The following SRPX2 variants were observed in gnomAD, a reference collection of about 807,000 sequenced individuals.
SRPX2 encodes sushi repeat-containing protein SRPX2.
Under a neutral mutation model 45.3 loss-of-function variants are expected in SRPX2, and 26 were observed. That is an observed-to-expected ratio of 0.57 (90% CI 0.42 to 0.80). SRPX2 has a LOEUF of 0.80. Among genes scored for constraint, SRPX2 ranks in the 30% least tolerant of loss-of-function variants. The pLI, the probability that SRPX2 is intolerant of heterozygous loss-of-function variation, is 0.00. For synonymous variants in SRPX2, 125 were observed against 143.7 expected (o/e 0.87, Z 0.93); for missense variants, 355 against 399.8 (o/e 0.89, Z 0.95).
rs1212053635 is a variant in SRPX2 at position 100,675,591 on chromosome X, C to T, written c.*4604C>T. 1 of 113,805 alleles carries T rather than the reference C, an allele frequency of 8.8e-6. No individual in the cohort carries two copies. The highest frequency in any genetic ancestry group is 9.4e-5 in the Admixed American group (1 of 10,621). 9.4% of individuals were successfully genotyped at this position (113,805 alleles called of 1,213,427 possible). A position where few individuals can be genotyped will look rare whatever the true frequency, so the allele number is the denominator to read the frequency against. On this transcript the variant is annotated 3_prime_UTR_variant, in exon 11 of 11. Coordinates refer to ENST00000373004, the MANE Select transcript of SRPX2 (RefSeq NM_014467.3). ...TCCCCAACATTCCTGTCTTTACTAACCAACCCTGCTTCCCAGAGCCTTAAA... is the reference window on the plus strand; with the variant it reads ...TCCCCAACATTCCTGTCTTTACTAATCAACCCTGCTTCCCAGAGCCTTAAA...
chrX:100,662,484 A>G (rs1476499483), intron 4 of SRPX2, 117 bp downstream of exon 4: 8 of 859,428 alleles, frequency 9.3e-6, no homozygotes, highest in Admixed American at 2.4e-5. Context: ...GTACAAATTG[A>G]GAATATTCCA....
rs2083202209 is a variant in SRPX2 at position 100,665,601 on chromosome X, C to G, written c.725C>G (p.Thr242Ser). Residue 242 changes from threonine to serine, a missense_variant, in exon 7 of 11, where the codon ACT becomes AGT. Transcript: ENST00000373004. ...GAAGGAGAGCATGTGATTCGTTACACTGCCTATGACCGAGCCTACAACCGG... is the reference window on the plus strand; with the variant it reads ...GAAGGAGAGCATGTGATTCGTTACAGTGCCTATGACCGAGCCTACAACCGG... ...FPEGEHVIRY[T>S]AYDRAYNRAS... 10 of 1,212,076 alleles carry G rather than the reference C, an allele frequency of 8.3e-6. No homozygotes were observed. Among genetic ancestry groups the G allele is most frequent in the Non-Finnish European group, 1.1e-5 (10 of 895,571 alleles).
At chrX:100,652,508 C>T (rs2083156712) in intron 3 of SRPX2, among the ~76,000 whole-genome samples, 1 of 110,803 alleles carries the variant, frequency 9.0e-6, no homozygotes, top group Admixed American at 9.6e-5. Context: ...CATCTGTAGA[C>T]ATGAGTAGGA....
At position 100,672,886 on chromosome X, in the gene SRPX2, G is replaced by C. The variant is rs757480017; in HGVS notation, c.*1899G>C. ...GAGTCAGAGAGAATCTCCTTCCACT[G>C]GGATTTTAGTGGAAATCTCATTTTT... On this transcript the variant is annotated 3_prime_UTR_variant, in exon 11 of 11. Transcript: ENST00000373004. The C allele has an allele frequency of 1.8e-5, 2 of 111,858 alleles. No homozygotes were observed. Among genetic ancestry groups the C allele is most frequent in the Non-Finnish European group, 3.8e-5 (2 of 53,197 alleles). The allele number at this position is 111,858 out of a possible 1,213,427, so 9.2% of individuals were successfully genotyped here.
At position 100,666,869 on chromosome X, in the gene SRPX2, G is replaced by A; in HGVS notation, c.897G>A (p.Gln299=). Residue 299 remains glutamine, a synonymous_variant, in exon 8 of 11, where the codon CAG becomes CAA. Transcript: ENST00000373004. The part of the protein sequence containing the change: ...EYHCDGGYDR[Q]GTPSRVCQSS... ...ACTGTGATGGCGGTTATGATCGCCA[G>A]GGGACACCCTCCCGGGTCTGTCAGT... The A allele has an allele frequency of 8.3e-7, 1 of 1,211,798 alleles. No individual in the cohort carries two copies. Among genetic ancestry groups the A allele is most frequent in the Non-Finnish European group, 1.1e-6 (1 of 895,574 alleles).
intron 9 of SRPX2, among the ~76,000 whole-genome samples, chrX:100,667,979 C>T (rs988947600): frequency 1.2e-4 from 13 of 111,647 alleles, no homozygotes; most frequent in Non-Finnish European, 2.3e-4. Context: ...AGAATCTGTC[C>T]TCTTAGCCAC....
intron 3 of SRPX2, among the ~76,000 whole-genome samples, chrX:100,657,016 C>G (rs2083171313): frequency 1.8e-5 from 2 of 110,478 alleles, no homozygotes; most frequent in African/African-American, 6.6e-5. Context: ...CAACCTCTGC[C>G]TCCTGGGTTC....
chrX:100,655,087 T>C (rs1196956979), intron 3 of SRPX2, among the ~76,000 whole-genome samples: 2 of 112,340 alleles, frequency 1.8e-5, no homozygotes, highest in African/African-American at 3.2e-5. Flanking sequence ...GCGGAGACAA[T>C]GGGCCTGAGT....
chrX:100,664,104 A>G (rs1037171986), intron 4 of SRPX2, among the ~76,000 whole-genome samples: 2 of 111,609 alleles, frequency 1.8e-5, no homozygotes, highest in African/African-American at 6.5e-5. Flanking sequence ...CAACAATCCT[A>G]TGAGGTATCC....
chrX:100,650,875 C>A lies in SRPX2; in HGVS notation c.163+10C>A. ...GCCCTGGACTACCGAGGTAATCTAC[C>A]CTGCTTCTCAAGCCCAGAAAATCTC... On this transcript the variant is annotated intron_variant, in intron 3 of 10. Coordinates refer to ENST00000373004, the MANE Select transcript of SRPX2 (RefSeq NM_014467.3). The A allele has an allele frequency of 8.4e-7, 1 of 1,196,133 alleles. No homozygotes were observed. Among genetic ancestry groups the A allele is most frequent in the South Asian group, 1.8e-5 (1 of 56,418 alleles).
intron 9 of SRPX2, among the ~76,000 whole-genome samples, chrX:100,668,545 C>T (rs577722903): frequency 1.8e-5 from 2 of 110,545 alleles, no homozygotes; most frequent in South Asian, 3.9e-4. Context: ...AGGTGGGGTG[C>T]CGGGGAGTAT....
At chrX:100,645,680 A>G (rs983279104) in intron 1 of SRPX2, among the ~76,000 whole-genome samples, 2 of 112,300 alleles carry the variant, frequency 1.8e-5, no homozygotes, top group African/African-American at 6.5e-5. Flanking sequence ...GACAATAATC[A>G]ATTCATGAGG....
intron 3 of SRPX2, among the ~76,000 whole-genome samples, chrX:100,657,974 G>GT (rs1321657041): frequency 8.0e-5 from 9 of 112,446 alleles, no homozygotes; most frequent in African/African-American, 2.6e-4. Context: ...CTACTGTTGA[G>GT]TTGTTCGAGT....
At chrX:100,651,067 A>G in intron 3 of SRPX2, 2 of 424,377 alleles carry the variant, frequency 4.7e-6, no homozygotes, top group Non-Finnish European at 8.2e-6. Context: ...TTCTCCATGT[A>G]TTATTAATCA....
Position 100,665,522 on chromosome X carries a change from C to A in SRPX2, c.660-14C>A. The stretch of plus-strand genomic sequence containing the variant: ...TCTCTTTCCTCAGTGTTTATTTCAC[C>A]CTGTCCCATGCAGGGTGACACTTCG... On this transcript the variant is annotated splice_polypyrimidine_tract_variant and intron_variant, in intron 6 of 10. Transcript: ENST00000373004. The A allele has an allele frequency of 8.3e-7, 1 of 1,211,735 alleles. No individual in the cohort carries two copies. The highest frequency in any genetic ancestry group is 1.1e-6 in the Non-Finnish European group (1 of 895,481).
chrX:100,659,047 T>TCAC (rs2147645508), intron 3 of SRPX2, among the ~76,000 whole-genome samples: 1 of 111,919 alleles, frequency 8.9e-6, no homozygotes, highest in African/African-American at 3.2e-5. Flanking sequence ...TTCCACATAG[T>TCAC]GTATCCACCA....
At chrX:100,657,594 G>A (rs1220112215) in intron 3 of SRPX2, among the ~76,000 whole-genome samples, 2 of 108,817 alleles carry the variant, frequency 1.8e-5, no homozygotes, top group Non-Finnish European at 3.8e-5. Context: ...CAAATGATCC[G>A]CCTGCGGAGG....
At chrX:100,669,422 G>GGGGGGGGGGGGGA in intron 10 of SRPX2, 53 bp downstream of exon 10, 2 of 319,098 alleles carry the variant, frequency 6.3e-6, no homozygotes, top group Admixed American at 3.4e-5. Flanking sequence ...GGGGCGGGGG[G>GGGGGGGGGGGGGA]AGAAACCCTA....
intron 9 of SRPX2, among the ~76,000 whole-genome samples, chrX:100,668,255 G>T (rs1240801341): frequency 9.7e-6 from 1 of 102,877 alleles, no homozygotes; most frequent in African/African-American, 3.6e-5. Context: ...AAGCTACTTA[G>T]GAGGCTTCTA....
Sources: allele counts gnomAD v4.1 joint callset (sites outside exome capture counted in the v4.1 genomes callset), GRCh38; gene constraint gnomAD v4.1.1; transcripts MANE v1.5; gene names NCBI Gene and HGNC (gene_info 2026-07-23, HGNC 2026-07-21).